The following FHIT variants were observed in gnomAD, a reference collection of about 807,000 sequenced individuals.
The protein encoded by FHIT is bis(5'-adenosyl)-triphosphatase.
FHIT carries 19 observed loss-of-function variants against 17.9 expected under a neutral mutation model. That is an observed-to-expected ratio of 1.06 (90% CI 0.74 to 1.56). The LOEUF is 1.56. FHIT is among the 40% of genes most tolerant of loss of function. The pLI is 0.00. For missense variants in FHIT, 248 were observed against 189.2 expected, an observed-to-expected ratio of 1.31 and a Z score of -1.82; for synonymous variants, 81 against 69.7, an observed-to-expected ratio of 1.16 and a Z score of -0.81.
At chr3:60,110,378 C>T (rs1704618738) in intron 5 of FHIT, among the ~76,000 whole-genome samples, 1 of 152,132 alleles carries the variant, frequency 6.6e-6, no homozygotes, top group Admixed American at 6.5e-5. Flanking sequence ...GTAATCACCA[C>T]ATTCCTCGCA....
chr3:59,799,301 A>G (rs1485364152), intron 8 of FHIT, among the ~76,000 whole-genome samples: 1 of 152,226 alleles, frequency 6.6e-6, no homozygotes, highest in Non-Finnish European at 1.5e-5. Flanking sequence ...CTGAGTTCTA[A>G]GCAAGATGTG....
chr3:59,874,451 T>A (rs570940755), intron 8 of FHIT, among the ~76,000 whole-genome samples: 1 of 152,240 alleles, frequency 6.6e-6, no homozygotes, highest in Non-Finnish European at 1.5e-5. Flanking sequence ...GTCAGCAGAG[T>A]TGCAGATTTA....
rs9311762 is a variant in FHIT at position 60,337,953 on chromosome 3, C to T, written c.103+198907G>A. Among the ~76,000 whole-genome samples the T allele has an allele frequency of 2.9e-3, 442 of 152,168 alleles. 3 individuals carry two copies. The highest frequency in any genetic ancestry group is 0.01 in the African/African-American group (424 of 41,510). ...ACACAGTCACACATTACTATCAAGC[C>T]TGGGCATTTTTACCAGTTCGAAAAA... is the stretch of plus-strand genomic sequence containing the variant. On this transcript the variant is annotated intron_variant, in intron 5 of 9. Transcript: ENST00000492590.
At chr3:60,462,126 T>C (rs142934254) in intron 5 of FHIT, among the ~76,000 whole-genome samples, 42 of 152,302 alleles carry the variant, frequency 2.8e-4, no homozygotes, top group Non-Finnish European at 4.1e-4. Flanking sequence ...AAAACAGTTA[T>C]AGCCCTTGTC....
chr3:60,832,077 AT>A (rs781849141), intron 3 of FHIT, among the ~76,000 whole-genome samples: 1 of 152,124 alleles, frequency 6.6e-6, no homozygotes, highest in Non-Finnish European at 1.5e-5. Context: ...AGTAATAATA[AT>A]AATAATAGGC....
intron 5 of FHIT, among the ~76,000 whole-genome samples, chr3:60,470,280 T>C (rs1399609881): frequency 6.6e-6 from 1 of 152,108 alleles, no homozygotes. Flanking sequence ...CTGCCAGGCT[T>C]GTGTCCTTCC....
At chr3:60,552,735 C>G (rs565319154) in intron 4 of FHIT, among the ~76,000 whole-genome samples, 2 of 152,290 alleles carry the variant, frequency 1.3e-5, no homozygotes, top group East Asian at 3.9e-4. Context: ...CTTGGTGCCC[C>G]CAGCACTCTC....
At chr3:60,630,127 C>G (rs1409667626) in intron 4 of FHIT, among the ~76,000 whole-genome samples, 2 of 152,164 alleles carry the variant, frequency 1.3e-5, no homozygotes, top group African/African-American at 4.8e-5. Flanking sequence ...CTAAAGGACT[C>G]TATCAATAAA....
At chr3:60,712,332 G>A (rs577206988) in intron 4 of FHIT, among the ~76,000 whole-genome samples, 19 of 152,282 alleles carry the variant, frequency 1.2e-4, no homozygotes, top group Admixed American at 3.3e-4. Context: ...ATGCCAAAAT[G>A]TAAAGACCAT....
chr3:61,246,173 T>C (rs1281005115), intron 1 of FHIT, among the ~76,000 whole-genome samples: 1 of 152,190 alleles, frequency 6.6e-6, no homozygotes. Flanking sequence ...CCATGCCTTG[T>C]TTAGCATATC....
intron 5 of FHIT, among the ~76,000 whole-genome samples, chr3:60,328,168 GA>G (rs5849354): frequency 1 from 152,268 of 152,270 alleles, 76,133 homozygotes; most frequent in Non-Finnish European, 1. Context: ...TAGTCTATTG[GA>G]AAAGTTGGAA....
intron 5 of FHIT, among the ~76,000 whole-genome samples, chr3:60,065,416 G>A (rs1702459325): frequency 6.6e-6 from 1 of 151,942 alleles, no homozygotes; most frequent in Non-Finnish European, 1.5e-5. Flanking sequence ...CTTCACAGAG[G>A]CATGGTGAGG....
intron 8 of FHIT, among the ~76,000 whole-genome samples, chr3:59,769,468 T>C (rs1701966597): frequency 6.6e-6 from 1 of 152,224 alleles, no homozygotes; most frequent in Non-Finnish European, 1.5e-5. Flanking sequence ...TGCACTCTTC[T>C]ACATGGCTTC....
intron 5 of FHIT, among the ~76,000 whole-genome samples, chr3:60,350,605 C>T (rs984182199): frequency 6.6e-6 from 1 of 152,108 alleles, no homozygotes; most frequent in Non-Finnish European, 1.5e-5. Context: ...GAGGTGACTT[C>T]CTCCCATTTC....
intron 7 of FHIT, among the ~76,000 whole-genome samples, chr3:59,974,625 C>T (rs1708330754): frequency 6.6e-6 from 1 of 152,124 alleles, no homozygotes; most frequent in South Asian, 2.1e-4. Flanking sequence ...TATGTAAAGG[C>T]AACCATGTTT....
At chr3:61,035,315 C>A (rs2033188871) in intron 3 of FHIT, among the ~76,000 whole-genome samples, 1 of 152,184 alleles carries the variant, frequency 6.6e-6, no homozygotes, top group East Asian at 1.9e-4. Flanking sequence ...ATTTTTAAAT[C>A]ATATATTTTT....
At chr3:60,196,287 G>C (rs568003014) in intron 5 of FHIT, among the ~76,000 whole-genome samples, 1 of 152,072 alleles carries the variant, frequency 6.6e-6, no homozygotes, top group Non-Finnish European at 1.5e-5. Context: ...CCAGCTTCTA[G>C]AGGAAGCCCA....
intron 9 of FHIT, 38 bp from the exon 10 acceptor site, chr3:59,749,617 C>G (rs1700774488): frequency 4.3e-6 from 1 of 230,792 alleles, no homozygotes; most frequent in Non-Finnish European, 8.6e-6. Flanking sequence ...CCTTATGATT[C>G]TAACATCAGA....
chr3:60,536,874 G>A lies in FHIT; in HGVS notation c.89C>T (p.Pro30Leu). Residue 30 changes from proline (P) to leucine (L), a missense_variant, in exon 5 of 10, where the codon CCT becomes CTT. Transcript: ENST00000492590. Reference protein sequence around the residue: ...ELSFALVNRKPVVPGHVLVCP... With the variant: ...ELSFALVNRKLVVPGHVLVCP... ...AGAAAGGATACGTCCTGGTACCACA[G>A]GTTTCCTATTCACAAGAGCGAAGGA... 1.2e-6 allele frequency: 2 copies of A among 1,607,162 alleles called. No homozygotes were observed. Among genetic ancestry groups the A allele is most frequent in the Admixed American group, 1.7e-5 (1 of 58,994 alleles).
Sources: gnomAD v4.1 joint callset for allele counts (sites outside exome capture counted in the v4.1 genomes callset) on GRCh38, gnomAD v4.1.1 for gene constraint, MANE v1.5 for transcripts, NCBI Gene and HGNC (gene_info 2026-07-23, HGNC 2026-07-21) for gene names.